The following RAB3GAP2 variants were observed in gnomAD, a reference collection of about 807,000 sequenced individuals.
RAB3GAP2 encodes the protein rab3 GTPase-activating protein non-catalytic subunit.
A neutral mutation model predicts 185.3 loss-of-function variants in RAB3GAP2; 87 were observed. The ratio of observed to expected loss-of-function variants is 0.47; its 90% confidence interval spans 0.39 to 0.56. The LOEUF (loss-of-function observed/expected upper bound fraction) is 0.56, where lower values mean the gene tolerates loss of function less well. Among genes scored for constraint, RAB3GAP2 ranks in the 20% least tolerant of loss-of-function variants. The pLI, the probability that RAB3GAP2 is intolerant of heterozygous loss-of-function variation, is 0.00. For synonymous variants in RAB3GAP2, 554 were observed against 576.1 expected, an observed-to-expected ratio of 0.96 and a Z score of 0.55; for missense variants, 1,492 against 1,638.2, an observed-to-expected ratio of 0.91 and a Z score of 1.54.
Position 220,272,264 on chromosome 1 carries a change from A to C in RAB3GAP2, c.74T>G (p.Leu25Arg), listed in dbSNP as rs1222901056. 6.2e-7 allele frequency: 1 copy of C among 1,611,782 alleles called. No individual in the cohort carries two copies. Among genetic ancestry groups the C allele is most frequent in the Non-Finnish European group, 8.5e-7 (1 of 1,179,434 alleles). Residue 25 changes from leucine to arginine, a missense_variant, in exon 1 of 35, where the codon CTG (leucine) becomes CGG (arginine). This residue lies in a region of RAB3GAP2 where 177 missense variants were observed against 160.6 expected (regional missense o/e 1.10). Transcript: ENST00000358951. ...GGCGCCGCTGAGGATCTCCTCCCGC[A>C]GGTGAGGAAAGAGGAAGTCCCGGGC... ...QAARDFLFPHLREEILSGALR... is the reference protein window; with the variant it reads ...QAARDFLFPHRREEILSGALR...
Position 220,183,250 on chromosome 1 carries a change from A to T in RAB3GAP2, c.1999-319T>A, listed in dbSNP as rs868790789. Among the ~76,000 whole-genome samples, 527 of 140,396 alleles carry T rather than the reference A, an allele frequency of 3.8e-3. 2 individuals carry two copies. Among genetic ancestry groups the T allele is most frequent in the African/African-American group, 0.013 (492 of 38,446 alleles). The allele number at this position is 140,396 out of a possible 152,430, so 92.1% of individuals were successfully genotyped here. On this transcript the variant is annotated intron_variant, in intron 19 of 34. Coordinates refer to ENST00000358951, the MANE Select transcript of RAB3GAP2 (RefSeq NM_012414.4). ...CTTTATTATCTTCTAGAATGTTAGC[A>T]TTTTTTTTTTTTTTTTGAGACAGGG...
At chr1:220,188,718 T>C (rs1192973931) in intron 17 of RAB3GAP2, among the ~76,000 whole-genome samples, 2 of 152,138 alleles carry the variant, frequency 1.3e-5, no homozygotes, top group Non-Finnish European at 2.9e-5. Flanking sequence ...CTTGCATATG[T>C]GAATGAGGAA....
intron 26 of RAB3GAP2, among the ~76,000 whole-genome samples, chr1:220,166,032 T>C (rs1188689066): frequency 6.6e-6 from 1 of 152,240 alleles, no homozygotes; most frequent in Non-Finnish European, 1.5e-5. Flanking sequence ...AGACATAACA[T>C]TCCTTTTTAA....
intron 32 of RAB3GAP2, 85 bp from the exon 33 acceptor site, chr1:220,153,491 T>C: frequency 1.6e-6 from 2 of 1,224,378 alleles, no homozygotes; most frequent in Non-Finnish European, 2.4e-6. Flanking sequence ...AGCTTTTCTG[T>C]CACTTATAGT....
At position 220,151,812 on chromosome 1, in the gene RAB3GAP2, T is replaced by G. The variant is rs370973893; in HGVS notation, c.3868-48A>C. The G allele has an allele frequency of 1.9e-6, 3 of 1,541,018 alleles. 1 individual carries two copies. Among genetic ancestry groups the G allele is most frequent in the South Asian group, 2.2e-5 (2 of 89,352 alleles). ...ATAATACAGTCAGAGTGAGCAGATT[T>G]GTTTATTCTATAGGAAAGGGGTTGC... On this transcript the variant is annotated intron_variant, in intron 33 of 34. Transcript: ENST00000358951.
Position 220,185,646 on chromosome 1 carries a change from A to G in RAB3GAP2, c.1870+5T>C, listed in dbSNP as rs1255369164. The G allele has an allele frequency of 6.3e-7, 1 of 1,598,186 alleles. No homozygotes were observed. The highest frequency in any genetic ancestry group is 1.7e-5 in the Admixed American group (1 of 59,908). ...ATAACCTCCAATCAGTACAAACCCT[A>G]TTACCTTGACTTTTTAAAGTGTCCA... On this transcript the variant is annotated splice_donor_5th_base_variant and intron_variant, in intron 18 of 34. Coordinates refer to ENST00000358951, the MANE Select transcript of RAB3GAP2 (RefSeq NM_012414.4).
At position 220,182,263 on chromosome 1, in the gene RAB3GAP2, C is replaced by T. The variant is rs140146408; in HGVS notation, c.2304G>A (p.Leu768=). The change falls in exon 21 of 35, where the codon CTG becomes CTA. Residue 768 remains leucine, a synonymous_variant. Transcript: ENST00000358951. The part of the protein sequence containing the change: ...TLESAGLSPQ[L]LLSLLLSVWL... Reference sequence around the variant, plus strand: ...GCAACCAAAAAAACCTTACCAACAACAGCTGAGGGCTAAGACCAGCCGACT... The same window carrying T: ...GCAACCAAAAAAACCTTACCAACAATAGCTGAGGGCTAAGACCAGCCGACT... 122 of 1,613,936 alleles carry T rather than the reference C, an allele frequency of 7.6e-5. 1 individual carries two copies. The East Asian group carries it at 1.9e-3, about 24-fold the overall frequency.
rs190706082 is a variant in RAB3GAP2 at position 220,213,831 on chromosome 1, T to A, written c.304+25A>T. On this transcript the variant is annotated intron_variant, in intron 3 of 34. Transcript: ENST00000358951. ...TCTATCCAATGTATCAAAATAAAGG[T>A]CGCTGAAAATAATAGGATACTCACG... 4.6e-4 allele frequency: 737 copies of A among 1,604,038 alleles called. 11 individuals are homozygous for A. The East Asian group carries it at 0.013, about 29-fold the overall frequency.
At chr1:220,224,037 G>A (rs1553280151) in intron 2 of RAB3GAP2, among the ~76,000 whole-genome samples, 2 of 143,276 alleles carry the variant, frequency 1.4e-5, no homozygotes, top group Non-Finnish European at 1.5e-5. Context: ...AGAGGAAAAT[G>A]TATATATCTT....
chr1:220,164,829 G>C, intron 26 of RAB3GAP2, 30 bp from the exon 27 acceptor site: 1 of 1,585,344 alleles, frequency 6.3e-7, no homozygotes, highest in Non-Finnish European at 8.6e-7. Flanking sequence ...AAACGAGAAA[G>C]AAAAAGAGGT....
intron 19 of RAB3GAP2, 120 bp from the exon 20 acceptor site, chr1:220,183,051 T>G: frequency 1.3e-6 from 1 of 753,074 alleles, no homozygotes; most frequent in East Asian, 2.7e-5. Flanking sequence ...CTATCATGTA[T>G]TCTGCTTAAA....
chr1:220,201,217 C>CT (rs981670957), intron 9 of RAB3GAP2, among the ~76,000 whole-genome samples: 6 of 148,854 alleles, frequency 4.0e-5, no homozygotes, highest in Non-Finnish European at 6.0e-5. Flanking sequence ...TTAAAGGTTA[C>CT]TTTTTTTTTT....
intron 33 of RAB3GAP2, 138 bp from the exon 34 acceptor site, chr1:220,151,902 A>G: frequency 1.1e-6 from 1 of 944,022 alleles, no homozygotes; most frequent in Non-Finnish European, 1.6e-6. Context: ...ATACAACCAA[A>G]GATAAATCCA....
At position 220,213,743 on chromosome 1, in the gene RAB3GAP2, G is replaced by GGGAGA. The variant is rs1553278906; in HGVS notation, c.304+112_304+113insTCTCC. 3.1e-6 allele frequency: 3 copies of GGGAGA among 971,722 alleles called. No individual in the cohort carries two copies. The African/African-American group carries it at 6.6e-5, about 21-fold the overall frequency. The allele number at this position is 971,722 out of a possible 1,614,324, so 60.2% of individuals were successfully genotyped here. ...GGCGGAGGAGGAGTTGGGGGGGGGG[G>GGGAGA]GAGAGAGAGAGAAATAAATAAATAA... On this transcript the variant is annotated intron_variant, in intron 3 of 34. Coordinates refer to ENST00000358951, the MANE Select transcript of RAB3GAP2 (RefSeq NM_012414.4).
intron 1 of RAB3GAP2, among the ~76,000 whole-genome samples, chr1:220,262,225 C>T (rs886221871): frequency 1.3e-5 from 2 of 151,992 alleles, no homozygotes; most frequent in East Asian, 3.9e-4. Flanking sequence ...GGTGTGAACC[C>T]GGGAGGTGGA....
chr1:220,167,285 A>C lies in RAB3GAP2; in HGVS notation c.3087+8T>G. The C allele has an allele frequency of 1.2e-6, 2 of 1,604,758 alleles. No homozygotes were observed. The highest frequency in any genetic ancestry group is 2.2e-5 in the South Asian group (2 of 90,876). On this transcript the variant is annotated splice_region_variant and intron_variant, in intron 26 of 34. Coordinates refer to ENST00000358951, the MANE Select transcript of RAB3GAP2 (RefSeq NM_012414.4). Reference sequence around the variant, plus strand: ...GAAATAACATGAAAGAGGTAACGAGAATCTTACCTCTGGATCTTTATTCCA... The same window carrying C: ...GAAATAACATGAAAGAGGTAACGAGCATCTTACCTCTGGATCTTTATTCCA...
intron 33 of RAB3GAP2, 60 bp from the exon 34 acceptor site, chr1:220,151,824 A>G: frequency 6.6e-7 from 1 of 1,513,734 alleles, no homozygotes; most frequent in Admixed American, 1.7e-5. Context: ...TTTATTCTAT[A>G]GGAAAGGGGT....
intron 1 of RAB3GAP2, among the ~76,000 whole-genome samples, chr1:220,252,961 T>C (rs1659965722): frequency 6.6e-6 from 1 of 152,192 alleles, no homozygotes; most frequent in African/African-American, 2.4e-5. Context: ...CCCACTGGCT[T>C]GGAATCCCAG....
intron 7 of RAB3GAP2, 84 bp from the exon 8 acceptor site, chr1:220,206,090 G>T (rs1454913557): frequency 3.4e-6 from 3 of 881,432 alleles, no homozygotes; most frequent in Non-Finnish European, 5.4e-6. Context: ...CACGAATAAT[G>T]TAACATAACC....
Sources: allele counts gnomAD v4.1 joint callset (sites outside exome capture counted in the v4.1 genomes callset), GRCh38; gene constraint gnomAD v4.1.1; regional missense constraint gnomAD v4.1.1; transcripts MANE v1.5; gene names NCBI Gene and HGNC (gene_info 2026-07-23, HGNC 2026-07-21).